The following CLEC2B variants were observed in gnomAD, a reference collection of about 807,000 sequenced individuals.
The protein encoded by CLEC2B is C-type (calcium dependent, carbohydrate-recognition domain) lectin, superfamily member 2 (activation-induced).
Under a neutral mutation model 16.2 loss-of-function variants are expected in CLEC2B, and 14 were observed. That is an observed-to-expected ratio of 0.86 (90% CI 0.57 to 1.35). The LOEUF (loss-of-function observed/expected upper bound fraction) is 1.35. Among genes scored for constraint, CLEC2B ranks in the 40% most tolerant of loss-of-function variants. CLEC2B has a pLI of 0.00. For synonymous variants in CLEC2B, 42 were observed against 55.8 expected (o/e 0.75, Z 1.10); for missense variants, 166 against 182.3 (o/e 0.91, Z 0.52).
intron 2 of CLEC2B, among the ~76,000 whole-genome samples, chr12:9,858,574 T>G (rs1341520687): frequency 6.6e-6 from 1 of 151,908 alleles, no homozygotes; most frequent in Non-Finnish European, 1.5e-5. Context: ...CAGTTATAAA[T>G]AGAATGCTGA....
intron 3 of CLEC2B, 130 bp from the exon 4 acceptor site, chr12:9,854,614 G>T (rs909591348): frequency 3.5e-6 from 2 of 567,382 alleles, no homozygotes; most frequent in Non-Finnish European, 6.2e-6. Context: ...CTAGAAAATA[G>T]CTATGGAGTT....
chr12:9,852,651 A>G lies in CLEC2B; in HGVS notation c.*649T>C, dbSNP rs547864540. Among the ~76,000 whole-genome samples, 13 of 152,278 alleles carry G rather than the reference A, an allele frequency of 8.5e-5. No homozygotes were observed. The highest frequency in any genetic ancestry group is 3.1e-4 in the African/African-American group (13 of 41,554). Reference sequence around the variant, plus strand: ...TGACAAGAATGACCCCATTTGTTTGATCAACTTGTACAGATCAAAGAAAGT... The same window carrying G: ...TGACAAGAATGACCCCATTTGTTTGGTCAACTTGTACAGATCAAAGAAAGT... On this transcript the variant is annotated 3_prime_UTR_variant, in exon 5 of 5. Transcript: ENST00000228438.
chr12:9,860,474 T>C (rs141066263), intron 2 of CLEC2B, among the ~76,000 whole-genome samples: 46 of 151,906 alleles, frequency 3.0e-4, no homozygotes, highest in African/African-American at 9.9e-4. Context: ...GTGTGTGAAA[T>C]CTATTCTGAA....
Position 9,857,617 on chromosome 12 carries a change from G to C in CLEC2B, c.94C>G (p.Gln32Glu). 1 of 1,609,064 alleles carries C rather than the reference G, an allele frequency of 6.2e-7. No homozygotes were observed. Among genetic ancestry groups the C allele is most frequent in the East Asian group, 2.2e-5 (1 of 44,722 alleles). Residue 32 changes from glutamine to glutamate, a missense_variant, in exon 3 of 5, where the codon CAG (glutamine) becomes GAG (glutamate). By Grantham distance (29) the Gln-to-Glu change is conservative. Coordinates refer to ENST00000228438, the MANE Select transcript of CLEC2B (RefSeq NM_005127.3). ...TLIVKLTRDSQSLCPYDWIGF... is the reference protein window; with the variant it reads ...TLIVKLTRDSESLCPYDWIGF... The stretch of plus-strand genomic sequence containing the variant: ...ATCCAATCATAGGGGCATAAACTCT[G>C]AGAATCTCGAGTTAGTTTAACTGGA...
chr12:9,858,393 T>G (rs972826884), intron 2 of CLEC2B, among the ~76,000 whole-genome samples: 1 of 152,048 alleles, frequency 6.6e-6, no homozygotes, highest in African/African-American at 2.4e-5. Context: ...ATGTTATCCC[T>G]AATTTCTACA....
At chr12:9,862,383 G>C in intron 2 of CLEC2B, 116 bp downstream of exon 2, 2 of 934,234 alleles carry the variant, frequency 2.1e-6, no homozygotes, top group Non-Finnish European at 2.9e-6. Context: ...CCAATTAAAT[G>C]TTATCATGTA....
chr12:9,865,278 A>G (rs1330825435), intron 1 of CLEC2B, among the ~76,000 whole-genome samples: 1 of 152,116 alleles, frequency 6.6e-6, no homozygotes, highest in Non-Finnish European at 1.5e-5. Flanking sequence ...TGCTTCACCT[A>G]TAAAGACACA....
At chr12:9,853,773 G>A (rs77732699) in intron 4 of CLEC2B, among the ~76,000 whole-genome samples, 3,610 of 152,110 alleles carry the variant, frequency 0.024, 61 homozygotes, top group African/African-American at 0.041. Context: ...TTATCCAGGG[G>A]TGCTGCCAAT....
intron 4 of CLEC2B, among the ~76,000 whole-genome samples, chr12:9,853,792 A>G (rs1230642978): frequency 6.6e-6 from 1 of 152,176 alleles, no homozygotes; most frequent in East Asian, 1.9e-4. Flanking sequence ...ATGCCCTACA[A>G]TGCACAAAGA....
At chr12:9,855,063 G>C (rs1867885078) in intron 3 of CLEC2B, among the ~76,000 whole-genome samples, 1 of 151,916 alleles carries the variant, frequency 6.6e-6, no homozygotes, top group Admixed American at 6.6e-5. Flanking sequence ...TTCTTCTTCT[G>C]ATGCATTGTT....
chr12:9,868,610 T>C (rs1481639684), intron 1 of CLEC2B, among the ~76,000 whole-genome samples: 1 of 152,148 alleles, frequency 6.6e-6, no homozygotes, highest in Non-Finnish European at 1.5e-5. Context: ...TTGGATCTTA[T>C]ATATTCCGAA....
At position 9,866,661 on chromosome 12, in the gene CLEC2B, A is replaced by T. The variant is rs1867972124; in HGVS notation, c.-3+2544T>A. Among the ~76,000 whole-genome samples, 3 of 152,172 alleles carry T rather than the reference A, an allele frequency of 2.0e-5. No individual in the cohort carries two copies. The South Asian group carries it at 6.2e-4, about 32-fold the overall frequency. ...GCAAGTGGAAGTATTTTTTGAGTCA[A>T]TTTCATATCTGTTATTTGAAGGAGG... On this transcript the variant is annotated intron_variant, in intron 1 of 4. Coordinates refer to ENST00000228438, the MANE Select transcript of CLEC2B (RefSeq NM_005127.3).
At chr12:9,863,180 C>T (rs1259250898) in intron 1 of CLEC2B, among the ~76,000 whole-genome samples, 7 of 152,142 alleles carry the variant, frequency 4.6e-5, no homozygotes, top group South Asian at 2.1e-4. Flanking sequence ...TTTGGAAGCA[C>T]CCTCATTTGG....
At chr12:9,861,069 A>G (rs1008335505) in intron 2 of CLEC2B, among the ~76,000 whole-genome samples, 1 of 152,046 alleles carries the variant, frequency 6.6e-6, no homozygotes, top group Non-Finnish European at 1.5e-5. Context: ...GTGACAATAG[A>G]GAAAGACACA....
intron 3 of CLEC2B, among the ~76,000 whole-genome samples, chr12:9,855,085 G>A (rs943512704): frequency 6.6e-5 from 10 of 151,564 alleles, no homozygotes; most frequent in Admixed American, 1.3e-4. Context: ...AACTTACCTC[G>A]ACCTTGCTTA....
intron 1 of CLEC2B, 105 bp from the exon 2 acceptor site, chr12:9,862,678 T>C: frequency 1.0e-6 from 1 of 959,712 alleles, no homozygotes; most frequent in South Asian, 2.0e-5. Flanking sequence ...AACAAAATAT[T>C]AGTGCTGTGA....
chr12:9,867,634 T>C (rs1867981196), intron 1 of CLEC2B, among the ~76,000 whole-genome samples: 1 of 152,166 alleles, frequency 6.6e-6, no homozygotes, highest in South Asian at 2.1e-4. Context: ...TCTCCCACGA[T>C]GAAGCTGATA....
chr12:9,857,913 C>T (rs564223600), intron 2 of CLEC2B, among the ~76,000 whole-genome samples: 128 of 152,114 alleles, frequency 8.4e-4, no homozygotes, highest in South Asian at 2.1e-3. Flanking sequence ...TGTAGGTTAC[C>T]GTTACCATTT....
chr12:9,853,057 A>AAAAGAAAGAAAGAAAG lies in CLEC2B; in HGVS notation c.*227_*242dup, dbSNP rs1229892834. On this transcript the variant is annotated 3_prime_UTR_variant, in exon 5 of 5. Transcript: ENST00000228438. ...AATTGTTTTCTGGTTTACAGTTAAAAAAAGAAAGAAAGAAAGAAAGAAAGA... is the reference window on the plus strand; with the variant it reads ...AATTGTTTTCTGGTTTACAGTTAAAAAAAGAAAGAAAGAAAGAAAGAAAGAAAGAAAGAAAGAAAGA... The AAAAGAAAGAAAGAAAG allele has an allele frequency of 2.7e-3, 268 of 98,672 alleles. 3 individuals are homozygous for AAAAGAAAGAAAGAAAG. The highest frequency in any genetic ancestry group is 0.026 in the African/African-American group (201 of 7,622). The allele number at this position is 98,672 out of a possible 1,614,324, so 6.1% of individuals were successfully genotyped here. A position where few individuals can be genotyped will look rare whatever the true frequency, so the allele number is the denominator to read the frequency against.
Sources: allele counts gnomAD v4.1 joint callset (sites outside exome capture counted in the v4.1 genomes callset), GRCh38; gene constraint gnomAD v4.1.1; transcripts MANE v1.5; gene names NCBI Gene and HGNC (gene_info 2026-07-23, HGNC 2026-07-21).